TMEM126A: variants seen among roughly 807,000 people sequenced by gnomAD.
TMEM126A encodes optic atrophy 7.
In TMEM126A, 10 loss-of-function variants were observed where a neutral mutation model predicts 18.3. The observed-to-expected ratio is 0.55, with a 90% CI of 0.34 to 0.93. TMEM126A has a LOEUF of 0.93. Among genes scored for constraint, TMEM126A ranks in the 40% least tolerant of loss-of-function variants. TMEM126A has a pLI of 0.02. For missense variants in TMEM126A, 246 were observed against 230.2 expected, an observed-to-expected ratio of 1.07 and a Z score of -0.44; for synonymous variants, 68 against 78.1, an observed-to-expected ratio of 0.87 and a Z score of 0.68.
At position 85,650,287 on chromosome 11, in the gene TMEM126A, A is replaced by T. The variant is rs1411496050; in HGVS notation, c.32A>T (p.Asn11Ile). The stretch of plus-strand genomic sequence containing the variant: ...AATCATAAATCCAATAATAAGGAAA[A>T]CATAACAATTGTTGATATATCCAGA... MENHKSNNKE[N>I]ITIVDISRKI... Residue 11 changes from asparagine to isoleucine, a missense_variant, in exon 2 of 5, where the codon AAC becomes ATC. By Grantham distance (149) the Asn-to-Ile change is moderately radical. Transcript: ENST00000304511. 4 of 1,605,886 alleles carry T rather than the reference A, an allele frequency of 2.5e-6. No homozygotes were observed. The highest frequency in any genetic ancestry group is 3.4e-6 in the Non-Finnish European group (4 of 1,173,834).
At chr11:85,655,465 C>A (rs2153313613) in intron 3 of TMEM126A, 129 bp from the exon 4 acceptor site, 2 of 733,456 alleles carry the variant, frequency 2.7e-6, no homozygotes, top group Non-Finnish European at 4.9e-6. Context: ...TTTTAACAGG[C>A]TTTGTACAAT....
intron 3 of TMEM126A, 120 bp from the exon 4 acceptor site, chr11:85,655,474 A>C (rs1262359518): frequency 1.0e-5 from 8 of 773,672 alleles, no homozygotes; most frequent in Non-Finnish European, 1.9e-5. Flanking sequence ...GCTTTGTACA[A>C]TTACATTTGA....
At chr11:85,651,740 C>A (rs1228232159) in intron 2 of TMEM126A, among the ~76,000 whole-genome samples, 1 of 152,104 alleles carries the variant, frequency 6.6e-6, no homozygotes, top group Admixed American at 6.6e-5. Flanking sequence ...TCTTTCACCC[C>A]CCCTCCCCAC....
At chr11:85,655,085 T>TA (rs942394207) in intron 3 of TMEM126A, among the ~76,000 whole-genome samples, 3 of 151,922 alleles carry the variant, frequency 2.0e-5, no homozygotes, top group Non-Finnish European at 4.4e-5. Flanking sequence ...CAGTTAATCA[T>TA]AAAAAAAACT....
intron 2 of TMEM126A, among the ~76,000 whole-genome samples, chr11:85,652,891 T>C (rs1272896344): frequency 2.0e-5 from 3 of 152,004 alleles, no homozygotes; most frequent in Non-Finnish European, 4.4e-5. Flanking sequence ...TTTCACATGA[T>C]TTTTATGATG....
At chr11:85,653,264 A>G (rs1387091996) in intron 2 of TMEM126A, among the ~76,000 whole-genome samples, 5 of 152,246 alleles carry the variant, frequency 3.3e-5, no homozygotes, top group African/African-American at 9.6e-5. Context: ...AATACCTTAT[A>G]CAACGTAGGA....
rs565261459 is a variant in TMEM126A, at chr11:85,654,209, C to A, written c.233C>A (p.Thr78Lys). The change falls in exon 3 of 5, where the codon ACA becomes AAA. Residue 78 changes from threonine (T) to lysine (K), a missense_variant. Physicochemically the swap from Thr to Lys is moderately conservative, Grantham distance 78. Transcript: ENST00000304511. ...GLPMAGIPFL[T>K]TDLTYRCFVS... Reference sequence around the variant, plus strand: ...CCAATGGCAGGGATACCTTTTCTTACAACAGACTTAACTTACAGATGTTTT... The same window carrying A: ...CCAATGGCAGGGATACCTTTTCTTAAAACAGACTTAACTTACAGATGTTTT... 6.2e-7 allele frequency: 1 copy of A among 1,614,066 alleles called. No individual in the cohort carries two copies. Among genetic ancestry groups the A allele is most frequent in the South Asian group, 1.1e-5 (1 of 91,084 alleles).
chr11:85,653,937 G>A, intron 2 of TMEM126A, 126 bp from the exon 3 acceptor site: 1 of 1,176,760 alleles, frequency 8.5e-7, no homozygotes, highest in Non-Finnish European at 1.3e-6. Flanking sequence ...TAAGATTTTG[G>A]TTCTATAAGG....
In TMEM126A at chr11:85,655,633, G is replaced by A. The variant is rs188886571; in HGVS notation, c.320G>A (p.Gly107Glu). Residue 107 changes from glycine (G) to glutamate (E), a missense_variant, in exon 4 of 5, where the codon GGA becomes GAA. Gly to Glu is a moderately conservative substitution (Grantham distance 98). Transcript: ENST00000304511. ...DCETCTITRS[G>E]LTGLVIGGLY... is the part of the protein sequence containing the mutation. ...GAAACCTGTACCATAACACGGAGTG[G>A]ACTGACTGGTCTTGTTATTGGTGGT... 8.1e-6 allele frequency: 13 copies of A among 1,613,648 alleles called. No individual in the cohort carries two copies. The highest frequency in any genetic ancestry group is 1.3e-5 in the African/African-American group (1 of 75,002).
intron 1 of TMEM126A, among the ~76,000 whole-genome samples, chr11:85,648,936 G>GT (rs760886814): frequency 0.093 from 12,358 of 132,344 alleles, 927 homozygotes; most frequent in African/African-American, 0.19. Context: ...TCCCTGAACT[G>GT]TTTTTTTTTT....
Position 85,656,410 on chromosome 11 carries a change from A to T in TMEM126A, c.497A>T (p.Gln166Leu). The part of the protein sequence containing the change: ...FRKMLFPILL[Q>L]TMFSAYLGSE... Reference sequence around the variant, plus strand: ...AAGATGTTATTTCCTATTTTGCTCCAGACTATGTTTTCAGCATACCTTGGG... The same window carrying T: ...AAGATGTTATTTCCTATTTTGCTCCTGACTATGTTTTCAGCATACCTTGGG... The change falls in exon 5 of 5, where the codon CAG (glutamine) becomes CTG (leucine). Residue 166 changes from glutamine to leucine, a missense_variant. By Grantham distance (113) the Gln-to-Leu change is moderately radical. Coordinates refer to ENST00000304511, the MANE Select transcript of TMEM126A (RefSeq NM_032273.4). The T allele has an allele frequency of 6.2e-7, 1 of 1,613,390 alleles. No homozygotes were observed. Among genetic ancestry groups the T allele is most frequent in the Non-Finnish European group, 8.5e-7 (1 of 1,179,640 alleles).
Position 85,655,463 on chromosome 11 carries a change from G to T in TMEM126A, c.281-131G>T, listed in dbSNP as rs908241596. ...ATAGATGTAATTATACCTTTTAACA[G>T]GCTTTGTACAATTACATTTGATATA... On this transcript the variant is annotated intron_variant, in intron 3 of 4. Transcript: ENST00000304511. 9.7e-6 allele frequency: 7 copies of T among 722,964 alleles called. No homozygotes were observed. The African/African-American group carries it at 1.2e-4, about 13-fold the overall frequency. The allele number at this position is 722,964 out of a possible 1,614,324, so 44.8% of individuals were successfully genotyped here. A position where few individuals can be genotyped will look rare whatever the true frequency, so the allele number is the denominator to read the frequency against.
At chr11:85,654,290 C>T (rs765478259) in intron 3 of TMEM126A, 34 bp downstream of exon 3, 2 of 1,602,510 alleles carry the variant, frequency 1.2e-6, no homozygotes, top group Middle Eastern at 1.8e-4. Flanking sequence ...AAAGAGTTTG[C>T]CTTAGTATAT....
rs771624394 is a variant in TMEM126A, at chr11:85,654,280, A to G, written c.280+24A>G. The G allele has an allele frequency of 1.2e-5, 20 of 1,610,456 alleles. No individual in the cohort carries two copies. In the African/African-American group the frequency reaches 2.4e-4, roughly 19 times the overall value. On this transcript the variant is annotated intron_variant, in intron 3 of 4. Coordinates refer to ENST00000304511, the MANE Select transcript of TMEM126A (RefSeq NM_032273.4). Reference sequence around the variant, plus strand: ...AGGTAAATTCTACTTCACTATCACCAAAGAGTTTGCCTTAGTATATGTTAT... The same window carrying G: ...AGGTAAATTCTACTTCACTATCACCGAAGAGTTTGCCTTAGTATATGTTAT...
At position 85,656,328 on chromosome 11, in the gene TMEM126A, CCA is replaced by C. The variant is rs1053002427; in HGVS notation, c.420_421del (p.His140GlnfsTer10). ...LAARYQSALL[P>X]HKGNILSYWI... ...TTACAGGTATCAATCAGCTCTGTTA[CCA>C]CACAAAGGGAACATCTTAAGTTACT... On this transcript the variant is annotated frameshift_variant, in exon 5 of 5. Transcript: ENST00000304511. LOFTEE classifies it high-confidence loss of function. The C allele has an allele frequency of 3.7e-6, 6 of 1,611,572 alleles. No homozygotes were observed. Among genetic ancestry groups the C allele is most frequent in the South Asian group, 1.1e-5 (1 of 90,972 alleles).
At chr11:85,648,409 TCA>T (rs2082476408) in intron 1 of TMEM126A, among the ~76,000 whole-genome samples, 1 of 152,222 alleles carries the variant, frequency 6.6e-6, no homozygotes, top group African/African-American at 2.4e-5. Context: ...TGCCTATCTC[TCA>T]GAGCTCTTCC....
intron 2 of TMEM126A, among the ~76,000 whole-genome samples, chr11:85,651,877 T>G (rs897459109): frequency 2.0e-5 from 3 of 151,932 alleles, no homozygotes; most frequent in African/African-American, 7.3e-5. Flanking sequence ...AATAAAAGAG[T>G]AGTAGGCTGG....
chr11:85,653,269 G>A (rs370309885), intron 2 of TMEM126A, among the ~76,000 whole-genome samples: 2 of 152,190 alleles, frequency 1.3e-5, no homozygotes, highest in Admixed American at 6.5e-5. Context: ...CTTATACAAC[G>A]TAGGAAGCTG....
At chr11:85,650,404 ATC>A in intron 2 of TMEM126A, 63 bp downstream of exon 2, 1 of 1,195,622 alleles carries the variant, frequency 8.4e-7, no homozygotes, top group Non-Finnish European at 1.2e-6. Context: ...TTGATTCATT[ATC>A]TCAAGTTTAT....
Sources: allele counts gnomAD v4.1 joint callset (sites outside exome capture counted in the v4.1 genomes callset), GRCh38; gene constraint gnomAD v4.1.1; transcripts MANE v1.5; gene names NCBI Gene and HGNC (gene_info 2026-07-23, HGNC 2026-07-21).